The following THSD7A variants were observed in gnomAD, a reference collection of about 807,000 sequenced individuals.
THSD7A encodes thrombospondin type-1 domain-containing protein 7A.
Under a neutral mutation model 231.3 loss-of-function variants are expected in THSD7A, and 96 were observed. That is an observed-to-expected ratio of 0.41 (90% CI 0.35 to 0.49). The LOEUF is 0.49. THSD7A is among the 20% of genes least tolerant of loss of function. THSD7A has a pLI of 0.05. For synonymous variants in THSD7A, 940 were observed against 743.3 expected (o/e 1.26, Z -4.30); for missense variants, 2,290 against 2,070.2 (o/e 1.11, Z -2.06).
At chr7:11,475,034 T>C (rs1363019133) in intron 7 of THSD7A, among the ~76,000 whole-genome samples, 1 of 152,042 alleles carries the variant, frequency 6.6e-6, no homozygotes, top group African/African-American at 2.4e-5. Flanking sequence ...GAAAAATAAA[T>C]AAACAGAAGC....
chr7:11,769,153 A>ATATATT lies in THSD7A; in HGVS notation c.190+62603_190+62604insAATATA. Among the ~76,000 whole-genome samples the ATATATT allele has an allele frequency of 8.8e-3, 243 of 27,586 alleles. 7 individuals are homozygous for ATATATT. Among genetic ancestry groups the ATATATT allele is most frequent in the Middle Eastern group, 0.033 (1 of 30 alleles). 18.1% of individuals were successfully genotyped at this position (27,586 alleles called of 152,430 possible). On this transcript the variant is annotated intron_variant, in intron 1 of 27. Coordinates refer to ENST00000423059, the MANE Select transcript of THSD7A (RefSeq NM_015204.3). Reference sequence around the variant, plus strand: ...TATATATATATATATATATATATATATTTTTTTTTTTTTTTGGTATTTTTG... The same window carrying ATATATT: ...TATATATATATATATATATATATATATATATTTTTTTTTTTTTTTTTGGTATTTTTG...
chr7:11,529,936 G>A (rs1788633602), intron 6 of THSD7A, among the ~76,000 whole-genome samples: 1 of 152,096 alleles, frequency 6.6e-6, no homozygotes, highest in Admixed American at 6.6e-5. Flanking sequence ...ACAATTCCTA[G>A]CATTTAGCAT....
intron 1 of THSD7A, among the ~76,000 whole-genome samples, chr7:11,769,143 A>ATTTTTTT (rs1306458383): frequency 1.5e-3 from 54 of 35,270 alleles, no homozygotes; most frequent in African/African-American, 4.4e-3. Flanking sequence ...ATATATATAT[A>ATTTTTTT]TATATATATA....
At chr7:11,384,558 T>C (rs2115307910) in intron 23 of THSD7A, 1 of 152,110 alleles carries the variant, frequency 6.6e-6, no homozygotes, top group African/African-American at 2.4e-5. Flanking sequence ...AAAGATATTT[T>C]TTAAAACTTG....
chr7:11,512,567 C>G (rs576444527), intron 6 of THSD7A, among the ~76,000 whole-genome samples: 1 of 152,000 alleles, frequency 6.6e-6, no homozygotes, highest in Non-Finnish European at 1.5e-5. Context: ...GATTAAGAAA[C>G]TGTGGCACAT....
chr7:11,722,883 T>G (rs573201398), intron 1 of THSD7A, among the ~76,000 whole-genome samples: 3 of 152,016 alleles, frequency 2.0e-5, no homozygotes, highest in Non-Finnish European at 4.4e-5. Flanking sequence ...CTGGTGGGAC[T>G]GTAAACTAAT....
In THSD7A at chr7:11,636,681, C is replaced by G. The variant is rs768533858; in HGVS notation, c.471G>C (p.Glu157Asp). ...CTTTGTCTTTCTGGATGCACGCTATCTCCCTCACCTGAATACCTTCTTCCC... is the reference window on the plus strand; with the variant it reads ...CTTTGTCTTTCTGGATGCACGCTATGTCCCTCACCTGAATACCTTCTTCCC... ...IKGEEGIQVREIACIQKDKDI... is the reference protein window; with the variant it reads ...IKGEEGIQVRDIACIQKDKDI... The change falls in exon 2 of 28, where the codon GAG (glutamate) becomes GAC (aspartate). Residue 157 changes from glutamate to aspartate, a missense_variant. Physicochemically the swap from Glu to Asp is conservative, Grantham distance 45 (BLOSUM62 2). Coordinates refer to ENST00000423059, the MANE Select transcript of THSD7A (RefSeq NM_015204.3). This position sits in a 1 kb window ranked among gnomAD's most constrained non-coding sequence, Gnocchi z 10.0. 6.2e-7 allele frequency: 1 copy of G among 1,614,018 alleles called. No individual in the cohort carries two copies. The highest frequency in any genetic ancestry group is 8.5e-7 in the Non-Finnish European group (1 of 1,179,900).
intron 1 of THSD7A, among the ~76,000 whole-genome samples, chr7:11,680,623 G>C (rs893413678): frequency 6.6e-6 from 1 of 152,166 alleles, no homozygotes; most frequent in Non-Finnish European, 1.5e-5. Context: ...CTGGTCATTA[G>C]AGAAATGCAA....
chr7:11,723,930 G>A (rs1393105263), intron 1 of THSD7A, among the ~76,000 whole-genome samples: 1 of 151,886 alleles, frequency 6.6e-6, no homozygotes, highest in Non-Finnish European at 1.5e-5. Flanking sequence ...GAAGCTACTG[G>A]ATGGTTTCAT....
At chr7:11,809,363 G>T (rs17165233) in intron 1 of THSD7A, among the ~76,000 whole-genome samples, 2,185 of 152,262 alleles carry the variant, frequency 0.014, 46 homozygotes, top group African/African-American at 0.05. Context: ...CTTGACAGGA[G>T]AGTAATTTTT....
chr7:11,708,088 A>G (rs373846246), intron 1 of THSD7A, among the ~76,000 whole-genome samples: 1 of 150,654 alleles, frequency 6.6e-6, no homozygotes, highest in African/African-American at 2.4e-5. Flanking sequence ...TTCTCTCCCT[A>G]CTCATGCGTT....
At chr7:11,414,316 T>C (rs952147055) in intron 17 of THSD7A, among the ~76,000 whole-genome samples, 2 of 152,246 alleles carry the variant, frequency 1.3e-5, no homozygotes, top group African/African-American at 4.8e-5. Context: ...CCTTGGATCA[T>C]GCTAATGCCA....
chr7:11,624,675 T>C (rs1252671579), intron 2 of THSD7A, among the ~76,000 whole-genome samples: 2 of 152,174 alleles, frequency 1.3e-5, no homozygotes, highest in African/African-American at 4.8e-5. Context: ...TATCCTTTCA[T>C]CAATGATTTA....
intron 7 of THSD7A, among the ~76,000 whole-genome samples, chr7:11,481,219 T>C (rs1302846650): frequency 1.3e-5 from 2 of 152,052 alleles, no homozygotes; most frequent in Non-Finnish European, 2.9e-5. Context: ...CCCTATAGGG[T>C]GAAGAGATTT....
At chr7:11,469,141 T>C (rs1785832145) in intron 9 of THSD7A, among the ~76,000 whole-genome samples, 1 of 151,980 alleles carries the variant, frequency 6.6e-6, no homozygotes. Context: ...TTAGAAAAAA[T>C]TATCTGTATT....
chr7:11,823,175 G>A (rs55830515), intron 1 of THSD7A, among the ~76,000 whole-genome samples: 97,921 of 151,818 alleles, frequency 0.64, 31,734 homozygotes, highest in Admixed American at 0.75. Context: ...GCATATGGAA[G>A]TTCAATTTTC....
At position 11,494,328 on chromosome 7, in the gene THSD7A, T is replaced by A. The variant is rs547545043; in HGVS notation, c.1823-12346A>T. Reference sequence around the variant, plus strand: ...GTTTAATCAACCATTTCTTTATAAGTCCTCCACTCTTAATTCCCACTGTTT... The same window carrying A: ...GTTTAATCAACCATTTCTTTATAAGACCTCCACTCTTAATTCCCACTGTTT... On this transcript the variant is annotated intron_variant, in intron 6 of 27. Coordinates refer to ENST00000423059, the MANE Select transcript of THSD7A (RefSeq NM_015204.3). Among the ~76,000 whole-genome samples, 12 of 152,004 alleles carry A rather than the reference T, an allele frequency of 7.9e-5. No individual in the cohort carries two copies. The East Asian group carries it at 2.3e-3, about 30-fold the overall frequency.
intron 1 of THSD7A, among the ~76,000 whole-genome samples, chr7:11,723,021 T>C (rs535850833): frequency 1.0e-3 from 154 of 152,064 alleles, no homozygotes; most frequent in Middle Eastern, 3.4e-3. Flanking sequence ...TAAAGACACA[T>C]GCACACGTAT....
intron 6 of THSD7A, among the ~76,000 whole-genome samples, chr7:11,501,094 T>C (rs1460614845): frequency 2.0e-5 from 3 of 151,402 alleles, no homozygotes; most frequent in African/African-American, 7.3e-5. Flanking sequence ...CCTAAATATA[T>C]ATGCACTCAA....
Sources: gnomAD v4.1 joint callset for allele counts (sites outside exome capture counted in the v4.1 genomes callset) on GRCh38, gnomAD v4.1.1 for gene constraint, Gnocchi (gnomAD v3.1) non-coding constraint, MANE v1.5 for transcripts, NCBI Gene and HGNC (gene_info 2026-07-23, HGNC 2026-07-21) for gene names.